KAZN: variants seen among roughly 807,000 people sequenced by gnomAD.
The protein encoded by KAZN is kazrin, periplakin interacting protein.
Under a neutral mutation model 87.4 loss-of-function variants are expected in KAZN, and 40 were observed. That is an observed-to-expected ratio of 0.46 (90% CI 0.36 to 0.60). KAZN has a LOEUF of 0.60. Among genes scored for constraint, KAZN ranks in the 20% least tolerant of loss-of-function variants. The probability of loss-of-function intolerance (pLI) is 0.00; values close to 1 mark genes in which losing one functional copy is unlikely to be tolerated. For missense variants in KAZN, 898 were observed against 1,073.9 expected, an observed-to-expected ratio of 0.84 and a Z score of 2.29; for synonymous variants, 466 against 458.3, an observed-to-expected ratio of 1.02 and a Z score of -0.22.
At chr1:14,107,706 C>T (rs754349304) in intron 1 of KAZN, among the ~76,000 whole-genome samples, 2 of 152,024 alleles carry the variant, frequency 1.3e-5, no homozygotes, top group Admixed American at 6.5e-5. Flanking sequence ...ATAGGGTGGG[C>T]GGAAGCTCCA....
At chr1:14,647,786 G>A (rs1680917160) in intron 1 of KAZN, among the ~76,000 whole-genome samples, 1 of 152,156 alleles carries the variant, frequency 6.6e-6, no homozygotes, top group African/African-American at 2.4e-5. Context: ...TGTAATCTAG[G>A]TATATTCTGG....
intron 1 of KAZN, among the ~76,000 whole-genome samples, chr1:14,039,463 C>G (rs749975871): frequency 6.6e-6 from 1 of 152,146 alleles, no homozygotes; most frequent in African/African-American, 2.4e-5. Flanking sequence ...AGTTCTGAGA[C>G]GACCCTAACA....
intron 1 of KAZN, among the ~76,000 whole-genome samples, chr1:14,037,732 G>A (rs16853473): frequency 1.3e-5 from 2 of 152,084 alleles, no homozygotes; most frequent in Admixed American, 1.3e-4. Flanking sequence ...ATGAAGAAAT[G>A]GGGTTCAATT....
At chr1:14,174,697 A>G (rs1010175667) in intron 1 of KAZN, among the ~76,000 whole-genome samples, 10 of 152,226 alleles carry the variant, frequency 6.6e-5, no homozygotes, top group African/African-American at 1.7e-4. Flanking sequence ...ATTAATCTCA[A>G]TTATAATCAG....
chr1:14,479,687 C>T (rs543129678), intron 2 of KAZN, among the ~76,000 whole-genome samples: 1 of 152,212 alleles, frequency 6.6e-6, no homozygotes, highest in Non-Finnish European at 1.5e-5. Context: ...TTTTGCAATT[C>T]CCCTCCCCCA....
At chr1:15,111,119 C>T (rs950648560) in intron 13 of KAZN, among the ~76,000 whole-genome samples, 2 of 152,130 alleles carry the variant, frequency 1.3e-5, no homozygotes, top group African/African-American at 4.8e-5. Flanking sequence ...CTGTGGAACC[C>T]AAGAGTTTGA....
chr1:14,824,329 T>A (rs1422453306), intron 1 of KAZN, among the ~76,000 whole-genome samples: 1 of 152,092 alleles, frequency 6.6e-6, no homozygotes. Flanking sequence ...AGGAGACCCT[T>A]GGGTTAGAAC....
chr1:14,299,913 A>T (rs1654416695), intron 2 of KAZN, among the ~76,000 whole-genome samples: 1 of 152,172 alleles, frequency 6.6e-6, no homozygotes, highest in African/African-American at 2.4e-5. Context: ...CACCTCTATC[A>T]TGAGCATTAA....
intron 1 of KAZN, among the ~76,000 whole-genome samples, chr1:14,114,531 C>T (rs556806826): frequency 1.3e-5 from 2 of 152,202 alleles, no homozygotes; most frequent in Admixed American, 1.3e-4. Flanking sequence ...CCCCCCATAT[C>T]CTCCATATCC....
At chr1:14,432,213 T>C (rs1666111976) in intron 2 of KAZN, among the ~76,000 whole-genome samples, 1 of 152,112 alleles carries the variant, frequency 6.6e-6, no homozygotes, top group Non-Finnish European at 1.5e-5. Flanking sequence ...CTATTGAAAA[T>C]GTGGTAGTAC....
chr1:14,421,791 G>A (rs1349658327), intron 2 of KAZN, among the ~76,000 whole-genome samples: 3 of 152,084 alleles, frequency 2.0e-5, no homozygotes, highest in African/African-American at 7.2e-5. Context: ...AGTTGGCCAA[G>A]CTCACCTTTC....
intron 1 of KAZN, among the ~76,000 whole-genome samples, chr1:14,149,784 A>T (rs1645434848): frequency 6.6e-6 from 1 of 152,208 alleles, no homozygotes; most frequent in African/African-American, 2.4e-5. Context: ...TGATTTTTTT[A>T]AAAGCCTAAT....
chr1:14,251,084 C>G (rs181879652), intron 2 of KAZN, among the ~76,000 whole-genome samples: 1 of 152,260 alleles, frequency 6.6e-6, no homozygotes, highest in African/African-American at 2.4e-5. Context: ...AACCCTGGAA[C>G]TGAAACTATG....
intron 1 of KAZN, among the ~76,000 whole-genome samples, chr1:14,078,921 G>A (rs1026629323): frequency 1.3e-5 from 2 of 152,126 alleles, no homozygotes; most frequent in Admixed American, 1.3e-4. Context: ...CTGACATCAG[G>A]GTGATCCGCC....
intron 1 of KAZN, among the ~76,000 whole-genome samples, chr1:14,801,245 C>G (rs1452413700): frequency 6.6e-6 from 1 of 152,060 alleles, no homozygotes; most frequent in Non-Finnish European, 1.5e-5. Context: ...TCTCCGTCAC[C>G]GCTCAGCAAG....
intron 2 of KAZN, among the ~76,000 whole-genome samples, chr1:14,536,699 T>C (rs1384984832): frequency 2.0e-5 from 3 of 152,156 alleles, no homozygotes; most frequent in African/African-American, 7.2e-5. Context: ...CTGGTCAACA[T>C]GGCGAAACCC....
intron 1 of KAZN, among the ~76,000 whole-genome samples, chr1:13,909,294 C>T (rs1570248544): frequency 6.6e-6 from 1 of 152,154 alleles, no homozygotes; most frequent in Non-Finnish European, 1.5e-5. Context: ...GGAGATAAGA[C>T]AGTGTGAGTC....
chr1:14,424,290 T>C (rs1665591675), intron 2 of KAZN, among the ~76,000 whole-genome samples: 1 of 152,240 alleles, frequency 6.6e-6, no homozygotes. Flanking sequence ...CGTAAGTTGC[T>C]TCATTTAATC....
At chr1:15,012,127 A>G (rs148013132) in intron 2 of KAZN, among the ~76,000 whole-genome samples, 43 of 152,256 alleles carry the variant, frequency 2.8e-4, no homozygotes, top group Non-Finnish European at 2.9e-4. Context: ...TCGTTTTACA[A>G]ATGAGGAAAC....
Sources: allele counts gnomAD v4.1 joint callset (sites outside exome capture counted in the v4.1 genomes callset), GRCh38; gene constraint gnomAD v4.1.1; transcripts MANE v1.5; gene names NCBI Gene and HGNC (gene_info 2026-07-23, HGNC 2026-07-21).